Variants in KIAA0513 observed in about 807,000 individuals in gnomAD.
The protein encoded by KIAA0513 is uncharacterized protein KIAA0513.
In KIAA0513, 39 loss-of-function variants were observed where a neutral mutation model predicts 56.5. The observed-to-expected ratio is 0.69, with a 90% CI of 0.53 to 0.90. The LOEUF is 0.90. Ranked by LOEUF, KIAA0513 falls within the 40% of genes least tolerant of loss-of-function variation. The pLI is 0.00. For missense variants in KIAA0513, 591 were observed against 535.2 expected, an observed-to-expected ratio of 1.10 and a Z score of -1.03; for synonymous variants, 268 against 215.6, an observed-to-expected ratio of 1.24 and a Z score of -2.13.
intron 1 of KIAA0513, among the ~76,000 whole-genome samples, chr16:85,030,369 G>A (rs1317420043): frequency 1.3e-5 from 2 of 152,144 alleles, no homozygotes; most frequent in African/African-American, 4.8e-5. Context: ...TGAAACCAAG[G>A]GAGCTGACCC....
intron 1 of KIAA0513, among the ~76,000 whole-genome samples, chr16:85,035,419 A>C (rs2073021699): frequency 6.6e-6 from 1 of 152,206 alleles, no homozygotes; most frequent in African/African-American, 2.4e-5. Context: ...CTGTAAAAGG[A>C]AGGCTTTAAC....
intron 1 of KIAA0513, among the ~76,000 whole-genome samples, chr16:85,055,500 C>G (rs1476661786): frequency 2.0e-5 from 3 of 152,228 alleles, no homozygotes; most frequent in African/African-American, 7.2e-5. Context: ...ACTCAGTGTA[C>G]TGTTCTACAG....
At chr16:85,069,795 A>G (rs563293951) in intron 2 of KIAA0513, among the ~76,000 whole-genome samples, 4 of 152,212 alleles carry the variant, frequency 2.6e-5, no homozygotes, top group African/African-American at 9.6e-5. Context: ...CTTTAACAAG[A>G]TCAGTAGACA....
intron 1 of KIAA0513, among the ~76,000 whole-genome samples, chr16:85,041,729 G>C (rs1025855455): frequency 6.6e-6 from 1 of 152,160 alleles, no homozygotes; most frequent in Non-Finnish European, 1.5e-5. Context: ...TGAGCAGAGA[G>C]GTGACAAGCC....
At chr16:85,040,726 C>T (rs552737834) in intron 1 of KIAA0513, among the ~76,000 whole-genome samples, 11 of 152,136 alleles carry the variant, frequency 7.2e-5, no homozygotes, top group Non-Finnish European at 1.6e-4. Flanking sequence ...AAAGCACAGA[C>T]TAAATGGGAG....
At chr16:85,046,852 C>G (rs1204677312) in intron 1 of KIAA0513, among the ~76,000 whole-genome samples, 1 of 152,164 alleles carries the variant, frequency 6.6e-6, no homozygotes, top group African/African-American at 2.4e-5. Flanking sequence ...TAAGAATACC[C>G]CTCCTTACTT....
chr16:85,078,962 G>T lies in KIAA0513; in HGVS notation c.861G>T (p.Glu287Asp). Residue 287 changes from glutamate (E) to aspartate (D), a missense_variant, in exon 8 of 13, where the codon GAG becomes GAT. Physicochemically the swap from Glu to Asp is conservative, Grantham distance 45 (BLOSUM62 2). Coordinates refer to ENST00000683363, the MANE Select transcript of KIAA0513 (RefSeq NM_001388359.1). ...AYSPEDEKKGEKIYLYTHLKQ... is the reference protein window; with the variant it reads ...AYSPEDEKKGDKIYLYTHLKQ... ...GCCCCGAGGACGAAAAGAAGGGGGAGAAGATCTACCTGTACACGCACCTGA... is the reference window on the plus strand; with the variant it reads ...GCCCCGAGGACGAAAAGAAGGGGGATAAGATCTACCTGTACACGCACCTGA... 1.2e-6 allele frequency: 2 copies of T among 1,614,194 alleles called. No homozygotes were observed. The highest frequency in any genetic ancestry group is 2.2e-5 in the South Asian group (2 of 91,082).
intron 11 of KIAA0513, 128 bp from the exon 12 acceptor site, chr16:85,086,944 C>CAG: frequency 2.2e-6 from 2 of 918,526 alleles, no homozygotes; most frequent in Non-Finnish European, 1.7e-6. Context: ...AATTAGGCAG[C>CAG]AGTGCGTTTT....
chr16:85,087,426 C>T (rs1361497095), intron 12 of KIAA0513, among the ~76,000 whole-genome samples: 1 of 152,208 alleles, frequency 6.6e-6, no homozygotes, highest in Non-Finnish European at 1.5e-5. Flanking sequence ...TGTTCACAGT[C>T]AGGGCAGAGG....
chr16:85,086,973 C>A, intron 11 of KIAA0513, 99 bp from the exon 12 acceptor site: 1 of 1,163,634 alleles, frequency 8.6e-7, no homozygotes, highest in South Asian at 1.3e-5. Flanking sequence ...CTGACAATTC[C>A]AGGCAGGCCA....
intron 10 of KIAA0513, 140 bp from the exon 11 acceptor site, chr16:85,086,504 C>A: frequency 1.3e-6 from 1 of 777,934 alleles, no homozygotes. Context: ...ACACGGCTCT[C>A]CGGTGGAAGG....
chr16:85,054,635 A>G (rs1183463728), intron 1 of KIAA0513, among the ~76,000 whole-genome samples: 2 of 151,806 alleles, frequency 1.3e-5, no homozygotes, highest in Non-Finnish European at 2.9e-5. Context: ...TCACCATGTT[A>G]GCCAAGCTGG....
intron 1 of KIAA0513, among the ~76,000 whole-genome samples, chr16:85,038,244 G>A (rs1192208202): frequency 6.6e-6 from 1 of 152,154 alleles, no homozygotes; most frequent in East Asian, 1.9e-4. Context: ...TGGGCCCCAC[G>A]GCCTCTGGAT....
At chr16:85,047,124 C>A (rs940961821) in intron 1 of KIAA0513, among the ~76,000 whole-genome samples, 2 of 152,184 alleles carry the variant, frequency 1.3e-5, no homozygotes, top group Non-Finnish European at 2.9e-5. Flanking sequence ...GGTTCTCAGT[C>A]CCTACCATTC....
chr16:85,067,282 C>A lies in KIAA0513; in HGVS notation c.211C>A (p.Arg71Ser). The A allele has an allele frequency of 6.2e-7, 1 of 1,613,910 alleles. No homozygotes were observed. The highest frequency in any genetic ancestry group is 8.5e-7 in the Non-Finnish European group (1 of 1,180,028). The change falls in exon 2 of 13, where the codon CGT (arginine) becomes AGT (serine). Residue 71 changes from arginine to serine, a missense_variant. Coordinates refer to ENST00000683363, the MANE Select transcript of KIAA0513 (RefSeq NM_001388359.1). The stretch of plus-strand genomic sequence containing the variant: ...GCACCCGTCCTGGGACCAAGACCGC[C>A]GTTCCTCCTCCAACGAGTCCTTCTC... Reference protein sequence around the residue: ...PSHPSWDQDRRSSSNESFSSN... With the variant: ...PSHPSWDQDRSSSSNESFSSN...
At chr16:85,050,325 ATATT>A (rs72102302) in intron 1 of KIAA0513, among the ~76,000 whole-genome samples, 73,619 of 122,602 alleles carry the variant, frequency 0.6, 20,515 homozygotes, top group East Asian at 0.73. Flanking sequence ...CTGTTGATTG[ATATT>A]TATTTATTTA....
rs142065460 is a variant in KIAA0513, at chr16:85,055,384, G to A, written c.-172-11516G>A. ...GCAAAAGAAAATAAGATGCATTTTA[G>A]GATAATGAAATACAATATTTCTAAA... On this transcript the variant is annotated intron_variant, in intron 1 of 12. Transcript: ENST00000683363. Among the ~76,000 whole-genome samples, 4 of 152,272 alleles carry A rather than the reference G, an allele frequency of 2.6e-5. No individual in the cohort carries two copies. In the East Asian group the frequency reaches 5.8e-4, roughly 22 times the overall value.
chr16:85,028,909 CGAT>C (rs1304646772), intron 1 of KIAA0513, among the ~76,000 whole-genome samples: 1 of 152,144 alleles, frequency 6.6e-6, no homozygotes, highest in East Asian at 1.9e-4. Context: ...GCCTGCGACT[CGAT>C]GTTGATGTTT....
Position 85,077,343 on chromosome 16 carries a change from C to T in KIAA0513, c.575-82C>T, listed in dbSNP as rs375834038. 1.7e-3 allele frequency: 2,319 copies of T among 1,334,072 alleles called. 5 individuals are homozygous for T. Among genetic ancestry groups the T allele is most frequent in the Non-Finnish European group, 2.0e-3 (1,945 of 953,960 alleles). 82.6% of individuals were successfully genotyped at this position (1,334,072 alleles called of 1,614,324 possible). The stretch of plus-strand genomic sequence containing the variant: ...GTATCCCCACTGCACAGGACCCCTG[C>T]GGGGCTCCCTCTGGGCCTCTGCAGT... On this transcript the variant is annotated intron_variant, in intron 5 of 12. Transcript: ENST00000683363.
Sources: allele counts gnomAD v4.1 joint callset (sites outside exome capture counted in the v4.1 genomes callset), GRCh38; gene constraint gnomAD v4.1.1; transcripts MANE v1.5; gene names NCBI Gene and HGNC (gene_info 2026-07-23, HGNC 2026-07-21).